Variants in TRAPPC13 observed in about 807,000 individuals in gnomAD.
The protein encoded by TRAPPC13 is trafficking protein particle complex subunit 13.
In TRAPPC13, 39 loss-of-function variants were observed where a neutral mutation model predicts 54.0. The observed-to-expected ratio is 0.72, with a 90% confidence interval of 0.56 to 0.94. The LOEUF (loss-of-function observed/expected upper bound fraction) is 0.94, where lower values mean the gene tolerates loss of function less well. Ranked by LOEUF, TRAPPC13 falls within the 40% of genes least tolerant of loss-of-function variation. TRAPPC13 has a pLI of 0.00. For synonymous variants in TRAPPC13, 148 were observed against 167.7 expected, an observed-to-expected ratio of 0.88 and a Z score of 0.91; for missense variants, 386 against 488.1, an observed-to-expected ratio of 0.79 and a Z score of 1.97.
At chr5:65,658,589 T>A (rs1455410696) in intron 9 of TRAPPC13, 88 bp downstream of exon 9, 5 of 1,171,658 alleles carry the variant, frequency 4.3e-6, no homozygotes, top group African/African-American at 1.6e-5. Context: ...GGTTTTTTTT[T>A]AATAGACTTT....
intron 1 of TRAPPC13, among the ~76,000 whole-genome samples, chr5:65,633,976 CGT>C (rs1755644956): frequency 9.1e-6 from 1 of 110,200 alleles, no homozygotes; most frequent in Non-Finnish European, 1.9e-5. Flanking sequence ...TCTCTCCCAG[CGT>C]TTTTTTTTTT....
intron 2 of TRAPPC13, 144 bp from the exon 3 acceptor site, chr5:65,635,799 TA>T (rs1413741004): frequency 1.1e-4 from 55 of 523,710 alleles, no homozygotes; most frequent in Non-Finnish European, 1.6e-5. Flanking sequence ...TGCTTTGTTG[TA>T]TTAAAATCTA....
chr5:65,664,656 GCT>G lies in TRAPPC13; in HGVS notation c.*48_*49del, dbSNP rs765845641. On this transcript the variant is annotated 3_prime_UTR_variant, in exon 13 of 13. Coordinates refer to ENST00000399438, the MANE Select transcript of TRAPPC13 (RefSeq NM_024941.4). ...GCTTTTCATTTAGTTTCACAGAACTGCTCTTTTTGTTACCTTTGTAAAATGAT... is the reference window on the plus strand; with the variant it reads ...GCTTTTCATTTAGTTTCACAGAACTGCTTTTTGTTACCTTTGTAAAATGAT... The G allele has an allele frequency of 1.4e-6, 2 of 1,396,590 alleles. No individual in the cohort carries two copies. Among genetic ancestry groups the G allele is most frequent in the Non-Finnish European group, 2.0e-6 (2 of 999,566 alleles). The allele number at this position is 1,396,590 out of a possible 1,614,324, so 86.5% of individuals were successfully genotyped here. A position where few individuals can be genotyped will look rare whatever the true frequency, so the allele number is the denominator to read the frequency against.
chr5:65,630,401 T>G, intron 1 of TRAPPC13: 1 of 1,408,386 alleles, frequency 7.1e-7, no homozygotes, highest in Non-Finnish European at 9.2e-7. Context: ...TTGAAATAGA[T>G]AAAATAATTT....
At chr5:65,626,711 A>C (rs1265545719) in intron 1 of TRAPPC13, among the ~76,000 whole-genome samples, 1 of 151,960 alleles carries the variant, frequency 6.6e-6, no homozygotes, top group African/African-American at 2.4e-5. Context: ...ACGCCATCCT[A>C]GGCAACAGAG....
chr5:65,647,901 G>A (rs1474199078), intron 5 of TRAPPC13, among the ~76,000 whole-genome samples: 1 of 152,058 alleles, frequency 6.6e-6, no homozygotes, highest in Non-Finnish European at 1.5e-5. Flanking sequence ...TAATTTTGGT[G>A]ACAAGCTCTA....
intron 1 of TRAPPC13, among the ~76,000 whole-genome samples, chr5:65,633,158 T>C (rs1282809619): frequency 1.3e-5 from 2 of 152,224 alleles, no homozygotes; most frequent in African/African-American, 4.8e-5. Context: ...AAATTTGATA[T>C]GAATGCCATA....
intron 6 of TRAPPC13, among the ~76,000 whole-genome samples, chr5:65,651,695 A>G (rs1756449546): frequency 6.7e-6 from 1 of 149,038 alleles, no homozygotes; most frequent in Non-Finnish European, 1.5e-5. Flanking sequence ...TATTATAAAT[A>G]TAGATCTAAA....
At chr5:65,632,585 T>C (rs1413391949) in intron 1 of TRAPPC13, among the ~76,000 whole-genome samples, 3 of 152,208 alleles carry the variant, frequency 2.0e-5, no homozygotes, top group African/African-American at 7.2e-5. Flanking sequence ...CTACCACTTA[T>C]CTACTAATAT....
At position 65,665,167 on chromosome 5, in the gene TRAPPC13, G is replaced by A. The variant is rs1170079581; in HGVS notation, c.*556G>A. The A allele has an allele frequency of 6.5e-6, 1 of 152,906 alleles. No individual in the cohort carries two copies. Among genetic ancestry groups the A allele is most frequent in the Non-Finnish European group, 1.5e-5 (1 of 68,606 alleles). 9.5% of individuals were successfully genotyped at this position (152,906 alleles called of 1,614,324 possible). A position where few individuals can be genotyped will look rare whatever the true frequency, so the allele number is the denominator to read the frequency against. On this transcript the variant is annotated 3_prime_UTR_variant, in exon 13 of 13. Coordinates refer to ENST00000399438, the MANE Select transcript of TRAPPC13 (RefSeq NM_024941.4). ...AGATCATGCTACTGCACTCTAGCCT[G>A]AGCGACAGAGTGAGACTCTGTCTCA...
At chr5:65,633,298 T>C (rs1755614514) in intron 1 of TRAPPC13, among the ~76,000 whole-genome samples, 1 of 152,014 alleles carries the variant, frequency 6.6e-6, no homozygotes, top group Non-Finnish European at 1.5e-5. Flanking sequence ...TTTTTTTTTT[T>C]GAGGCGGGGT....
At chr5:65,651,646 TG>T (rs531254946) in intron 6 of TRAPPC13, among the ~76,000 whole-genome samples, 1 of 142,346 alleles carries the variant, frequency 7.0e-6, no homozygotes, top group Non-Finnish European at 1.5e-5. Flanking sequence ...CACATTTATG[TG>T]GGGGGGGTGG....
At chr5:65,628,565 G>A (rs1233621898) in intron 1 of TRAPPC13, among the ~76,000 whole-genome samples, 3 of 151,034 alleles carry the variant, frequency 2.0e-5, no homozygotes, top group African/African-American at 4.9e-5. Flanking sequence ...TCAACCTCCC[G>A]GGTTCAAGCG....
intron 9 of TRAPPC13, among the ~76,000 whole-genome samples, chr5:65,659,744 A>T (rs1357358532): frequency 1.3e-5 from 2 of 152,082 alleles, no homozygotes; most frequent in Admixed American, 1.3e-4. Flanking sequence ...AACCCTTTGG[A>T]AGGCTGAGGC....
At chr5:65,636,258 C>T (rs2150668426) in intron 3 of TRAPPC13, among the ~76,000 whole-genome samples, 1 of 151,886 alleles carries the variant, frequency 6.6e-6, no homozygotes, top group East Asian at 1.9e-4. Flanking sequence ...ATTCTCGTGC[C>T]TCAGCCTTCC....
chr5:65,653,411 C>T (rs183833964), intron 7 of TRAPPC13, among the ~76,000 whole-genome samples: 1 of 152,200 alleles, frequency 6.6e-6, no homozygotes, highest in Admixed American at 6.5e-5. Flanking sequence ...TTACCATCCA[C>T]AATCTGAATT....
In TRAPPC13 at chr5:65,665,427, A is replaced by G. The variant is rs1757005604; in HGVS notation, c.*816A>G. The stretch of plus-strand genomic sequence containing the variant: ...AGTATAAGCTTTCTAGTTGTTTTCA[A>G]AATTACTGTAATGGTTTGTGTCTGT... On this transcript the variant is annotated 3_prime_UTR_variant, in exon 13 of 13. Coordinates refer to ENST00000399438, the MANE Select transcript of TRAPPC13 (RefSeq NM_024941.4). 6.6e-6 allele frequency: 1 copy of G among 152,168 alleles called. No homozygotes were observed. Among genetic ancestry groups the G allele is most frequent in the South Asian group, 2.1e-4 (1 of 4,832 alleles). 9.4% of individuals were successfully genotyped at this position (152,168 alleles called of 1,614,324 possible).
chr5:65,651,615 A>G (rs1237106828), intron 6 of TRAPPC13, among the ~76,000 whole-genome samples: 1 of 145,306 alleles, frequency 6.9e-6, no homozygotes, highest in Non-Finnish European at 1.5e-5. Flanking sequence ...CATCAAAAAT[A>G]GTTTCAAAAC....
At chr5:65,643,836 A>AG (rs1005983245) in intron 4 of TRAPPC13, among the ~76,000 whole-genome samples, 1 of 91,528 alleles carries the variant, frequency 1.1e-5, no homozygotes, top group Non-Finnish European at 2.6e-5. Flanking sequence ...AAAAAAAGAA[A>AG]GAAAAAAAAA....
Sources: gnomAD v4.1 joint callset for allele counts (sites outside exome capture counted in the v4.1 genomes callset) on GRCh38, gnomAD v4.1.1 for gene constraint, MANE v1.5 for transcripts, NCBI Gene and HGNC (gene_info 2026-07-23, HGNC 2026-07-21) for gene names.